PADI2: variants seen among roughly 807,000 people sequenced by gnomAD.
PADI2 encodes peptidyl arginine deiminase 2, also known as protein-arginine deiminase type-2.
PADI2 carries 70 observed loss-of-function variants against 81.1 expected under a neutral mutation model. The observed-to-expected ratio is 0.86, with a 90% CI of 0.71 to 1.05. PADI2 has a LOEUF of 1.05. Ranked by LOEUF, PADI2 falls within the 50% of genes least tolerant of loss-of-function variation. The pLI is 0.00. For missense variants in PADI2, 853 were observed against 889.9 expected (o/e 0.96, Z 0.53); for synonymous variants, 338 against 358.0 (o/e 0.94, Z 0.63).
intron 7 of PADI2, 31 bp downstream of exon 7, chr1:17,086,490 G>A: frequency 6.3e-7 from 1 of 1,587,480 alleles, no homozygotes. Flanking sequence ...CCTGGGGTTA[G>A]CCCCCTGTGG....
chr1:17,077,219 T>C (rs1346872567), intron 11 of PADI2, among the ~76,000 whole-genome samples: 1 of 152,214 alleles, frequency 6.6e-6, no homozygotes, highest in Non-Finnish European at 1.5e-5. Context: ...TGTTTTATCA[T>C]GTCACCCTGT....
chr1:17,119,395 TCG>T lies in PADI2; in HGVS notation c.-26_-25del. 1 of 1,515,452 alleles carries T rather than the reference TCG, an allele frequency of 6.6e-7. No homozygotes were observed. The highest frequency in any genetic ancestry group is 1.8e-4 in the Middle Eastern group (1 of 5,596). The allele number at this position is 1,515,452 out of a possible 1,614,324, so 93.9% of individuals were successfully genotyped here. A position where few individuals can be genotyped will look rare whatever the true frequency, so the allele number is the denominator to read the frequency against. On this transcript the variant is annotated 5_prime_UTR_variant, in exon 1 of 16. Coordinates refer to ENST00000375486, the MANE Select transcript of PADI2 (RefSeq NM_007365.3). This position sits in a 1 kb window ranked among gnomAD's most constrained non-coding sequence, Gnocchi z 4.8. ...ATCCTCCCCGCCGCAGTGCCCGCGC[TCG>T]CTGGTCCGGGGCGGCCGGGAGCACC...
At chr1:17,100,397 G>A (rs2101601267) in intron 3 of PADI2, among the ~76,000 whole-genome samples, 1 of 152,258 alleles carries the variant, frequency 6.6e-6, no homozygotes, top group Admixed American at 6.5e-5. Flanking sequence ...CAATTCTCCT[G>A]CCTCAGCCTC....
intron 1 of PADI2, among the ~76,000 whole-genome samples, 173 bp from the exon 2 acceptor site, chr1:17,105,234 T>G (rs1481240196): frequency 6.6e-6 from 1 of 152,014 alleles, no homozygotes; most frequent in Non-Finnish European, 1.5e-5. Context: ...TTATATACAT[T>G]AAAAAATTAG....
At chr1:17,111,594 A>G (rs1433942418) in intron 1 of PADI2, among the ~76,000 whole-genome samples, 1 of 152,144 alleles carries the variant, frequency 6.6e-6, no homozygotes, top group Non-Finnish European at 1.5e-5. Flanking sequence ...CTGTAAAAAA[A>G]AAAAATTAAA....
chr1:17,083,847 T>C lies in PADI2; in HGVS notation c.939-10A>G, dbSNP rs1253666701. 6.4e-7 allele frequency: 1 copy of C among 1,561,520 alleles called. No individual in the cohort carries two copies. Among genetic ancestry groups the C allele is most frequent in the African/African-American group, 1.4e-5 (1 of 73,826 alleles). On this transcript the variant is annotated splice_polypyrimidine_tract_variant and intron_variant, in intron 8 of 15. Coordinates refer to ENST00000375486, the MANE Select transcript of PADI2 (RefSeq NM_007365.3). ...GTAATTATCCTTCATGCTGAGAAGT[T>C]GGGGGAAGAAGGAGAGGCCAGGAGA...
chr1:17,097,283 G>A (rs1460227148), intron 3 of PADI2, among the ~76,000 whole-genome samples: 2 of 152,212 alleles, frequency 1.3e-5, no homozygotes, highest in African/African-American at 4.8e-5. Context: ...GAAGTGCACT[G>A]ATGTCACCCT....
At chr1:17,077,290 A>T (rs1202335503) in intron 11 of PADI2, among the ~76,000 whole-genome samples, 2 of 152,228 alleles carry the variant, frequency 1.3e-5, no homozygotes, top group South Asian at 2.1e-4. Context: ...ACTTGATTCC[A>T]TGTTTATTTT....
At chr1:17,072,058 C>G (rs1236165307) in intron 13 of PADI2, among the ~76,000 whole-genome samples, 1 of 152,226 alleles carries the variant, frequency 6.6e-6, no homozygotes, top group Non-Finnish European at 1.5e-5. Flanking sequence ...ACTCATGGAT[C>G]CTCCCCACAT....
chr1:17,104,972 A>G lies in PADI2; in HGVS notation c.182T>C (p.Val61Ala), dbSNP rs1356301053. Residue 61 changes from valine to alanine, a missense_variant, in exon 2 of 16, where the codon GTG becomes GCG. Physicochemically the swap from Val to Ala is moderately conservative, Grantham distance 64. Transcript: ENST00000375486. Reference sequence around the variant, plus strand: ...CCAGCGCTGCTTGCCATTGGTGGCCACCTCCTCAGCCTCCCCATCACGCAC... The same window carrying G: ...CCAGCGCTGCTTGCCATTGGTGGCCGCCTCCTCAGCCTCCCCATCACGCAC... The part of the protein sequence containing the change: ...EVVRDGEAEE[V>A]ATNGKQRWLL... The G allele has an allele frequency of 2.5e-6, 4 of 1,609,378 alleles. No homozygotes were observed. The highest frequency in any genetic ancestry group is 1.7e-4 in the Middle Eastern group (1 of 5,892).
At position 17,104,960 on chromosome 1, in the gene PADI2, C is replaced by A. The variant is rs758171160; in HGVS notation, c.194G>T (p.Gly65Val). The change falls in exon 2 of 16, where the codon GGC becomes GTC. Residue 65 changes from glycine (G) to valine (V), a missense_variant. Physicochemically the swap from Gly to Val is moderately radical, Grantham distance 109. Transcript: ENST00000375486. ...GGGCGAGAGAAGCCAGCGCTGCTTG[C>A]CATTGGTGGCCACCTCCTCAGCCTC... The part of the protein sequence containing the change: ...DGEAEEVATN[G>V]KQRWLLSPST... 5 of 1,609,496 alleles carry A rather than the reference C, an allele frequency of 3.1e-6. No individual in the cohort carries two copies. In the African/African-American group the frequency reaches 6.7e-5, roughly 21 times the overall value.
At chr1:17,097,889 C>A (rs1488819572) in intron 3 of PADI2, among the ~76,000 whole-genome samples, 2 of 152,254 alleles carry the variant, frequency 1.3e-5, no homozygotes, top group South Asian at 4.1e-4. Context: ...AAACTCCTCC[C>A]TCGGAAGGAG....
In PADI2 at chr1:17,069,019, G is replaced by C. The variant is rs1338905692; in HGVS notation, c.*25C>G. 1 of 1,548,372 alleles carries C rather than the reference G, an allele frequency of 6.5e-7. No individual in the cohort carries two copies. Among genetic ancestry groups the C allele is most frequent in the Non-Finnish European group, 8.9e-7 (1 of 1,120,224 alleles). On this transcript the variant is annotated 3_prime_UTR_variant, in exon 16 of 16. Transcript: ENST00000375486. ...AGGGTCTGGAGAACTAAGCGAAGGA[G>C]GCAAACGCCAGGGCCCCTGGCAGGT...
chr1:17,113,752 A>G (rs1931664724), intron 1 of PADI2, among the ~76,000 whole-genome samples: 1 of 152,226 alleles, frequency 6.6e-6, no homozygotes, highest in Non-Finnish European at 1.5e-5. Flanking sequence ...GAGAGAAGCA[A>G]GCCTGGGCCC....
chr1:17,078,376 A>C (rs945933693), intron 11 of PADI2, among the ~76,000 whole-genome samples: 2 of 150,742 alleles, frequency 1.3e-5, no homozygotes, highest in East Asian at 3.9e-4. Context: ...CTCCCAAAGT[A>C]CTGGGATTAC....
intron 1 of PADI2, among the ~76,000 whole-genome samples, chr1:17,108,097 C>T (rs972166141): frequency 5.5e-4 from 84 of 152,036 alleles, no homozygotes; most frequent in East Asian, 3.9e-4. Flanking sequence ...TACAGGTGCC[C>T]GCCACCATGC....
chr1:17,110,267 G>A (rs964525814), intron 1 of PADI2, among the ~76,000 whole-genome samples: 22 of 152,096 alleles, frequency 1.4e-4, no homozygotes, highest in Non-Finnish European at 2.4e-4. Context: ...GGGGCTTGGG[G>A]GTGGTTATGA....
At chr1:17,112,528 G>GGGC (rs61180201) in intron 1 of PADI2, among the ~76,000 whole-genome samples, 25,598 of 151,958 alleles carry the variant, frequency 0.17, 2,473 homozygotes, top group African/African-American at 0.25. Context: ...GAGTCTGGGG[G>GGGC]GGGGAGTCGT....
chr1:17,082,884 T>G (rs1401939688), intron 9 of PADI2: 10 of 446,578 alleles, frequency 2.2e-5, no homozygotes, highest in Non-Finnish European at 3.2e-5. Context: ...CATTTTTTTT[T>G]TTTTGAGACA....
Sources: gnomAD v4.1 joint callset for allele counts (sites outside exome capture counted in the v4.1 genomes callset) on GRCh38, gnomAD v4.1.1 for gene constraint, Gnocchi (gnomAD v3.1) non-coding constraint, MANE v1.5 for transcripts, NCBI Gene and HGNC (gene_info 2026-07-23, HGNC 2026-07-21) for gene names.